Variants in MEIS1 observed in about 807,000 individuals in gnomAD.
MEIS1 encodes homeobox protein Meis1.
In MEIS1, 5 loss-of-function variants were observed where a neutral mutation model predicts 50.8. The ratio of observed to expected loss-of-function variants is 0.10; its 90% CI spans 0.05 to 0.21. The LOEUF (loss-of-function observed/expected upper bound fraction) is 0.21, where lower values mean the gene tolerates loss of function less well. MEIS1 is among the 10% of genes least tolerant of loss of function. MEIS1 has a pLI of 1.00. For missense variants in MEIS1, 318 were observed against 517.3 expected (o/e 0.61, Z 3.74); for synonymous variants, 176 against 179.3 (o/e 0.98, Z 0.15).
At position 66,437,942 on chromosome 2, in the gene MEIS1, G is replaced by A. The variant is rs1242392477; in HGVS notation, c.218G>A (p.Arg73Lys). The change falls in exon 2 of 13, where the codon AGA (arginine) becomes AAA (lysine). Residue 73 changes from arginine to lysine, a missense_variant. Physicochemically the swap from Arg to Lys is conservative, Grantham distance 26. Around this residue, in one of 6 missense-constraint regions of MEIS1, gnomAD observed 100 missense variants for 107.1 expected, o/e 0.93. Coordinates refer to ENST00000272369, the MANE Select transcript of MEIS1 (RefSeq NM_002398.3). Reference protein sequence around the residue: ...MGSSVNDALKRDKDAIYGHPL... With the variant: ...MGSSVNDALKKDKDAIYGHPL... ...TCCTCTGTCAATGACGCTTTAAAGAGAGATAAAGATGCCATTTATGGGTAG... is the reference window on the plus strand; with the variant it reads ...TCCTCTGTCAATGACGCTTTAAAGAAAGATAAAGATGCCATTTATGGGTAG... 6.3e-7 allele frequency: 1 copy of A among 1,582,990 alleles called. No homozygotes were observed. The highest frequency in any genetic ancestry group is 1.2e-5 in the South Asian group (1 of 86,768).
At chr2:66,468,641 C>T (rs530838450) in intron 7 of MEIS1, among the ~76,000 whole-genome samples, 2 of 152,260 alleles carry the variant, frequency 1.3e-5, no homozygotes, top group East Asian at 3.9e-4. Flanking sequence ...CTATGACATC[C>T]TATTTGATAC....
chr2:66,554,393 G>A (rs1025930107), intron 9 of MEIS1, among the ~76,000 whole-genome samples: 1 of 152,204 alleles, frequency 6.6e-6, no homozygotes, highest in Non-Finnish European at 1.5e-5. Context: ...GGCAGGACTT[G>A]ACTCCCATTT....
rs190217871 is a variant in MEIS1, at chr2:66,471,261, C to G, written c.742+7041C>G. Among the ~76,000 whole-genome samples the G allele has an allele frequency of 2.6e-5, 4 of 152,218 alleles. No homozygotes were observed. In the East Asian group the frequency reaches 5.8e-4, roughly 22 times the overall value. On this transcript the variant is annotated intron_variant, in intron 7 of 12. Transcript: ENST00000272369. ...TTTCTTATATTTTCTGTTGATTGCT[C>G]ATTTTTATTTATGTGTGAATTCATG...
chr2:66,528,062 C>T (rs1342638746), intron 8 of MEIS1, among the ~76,000 whole-genome samples: 2 of 152,098 alleles, frequency 1.3e-5, no homozygotes, highest in Non-Finnish European at 2.9e-5. Flanking sequence ...GAAGGCTGTG[C>T]TGTGGGAGTA....
At chr2:66,540,025 G>A (rs1164539472) in intron 8 of MEIS1, among the ~76,000 whole-genome samples, 3 of 152,168 alleles carry the variant, frequency 2.0e-5, no homozygotes, top group Non-Finnish European at 4.4e-5. Context: ...TAGCCAAGTG[G>A]AGAAACTCAG....
At chr2:66,508,084 G>C (rs1285053898) in intron 7 of MEIS1, among the ~76,000 whole-genome samples, 2 of 152,230 alleles carry the variant, frequency 1.3e-5, no homozygotes, top group Non-Finnish European at 2.9e-5. Context: ...TGAAAGGTTT[G>C]ACAGTTTGAC....
intron 7 of MEIS1, among the ~76,000 whole-genome samples, chr2:66,508,705 C>A (rs1165691094): frequency 6.6e-6 from 1 of 152,248 alleles, no homozygotes; most frequent in Non-Finnish European, 1.5e-5. Flanking sequence ...CTGTCACTAG[C>A]AAACGCCACA....
chr2:66,550,421 T>G (rs1187528132), intron 9 of MEIS1, among the ~76,000 whole-genome samples: 1 of 152,236 alleles, frequency 6.6e-6, no homozygotes, highest in Non-Finnish European at 1.5e-5. Flanking sequence ...CCATGTTTGA[T>G]TTGAATTTTT....
chr2:66,472,026 G>T (rs1169461708), intron 7 of MEIS1, among the ~76,000 whole-genome samples: 2 of 152,064 alleles, frequency 1.3e-5, no homozygotes, highest in African/African-American at 4.8e-5. Context: ...TTTTATGTAA[G>T]GCCTTTTCAT....
In MEIS1 at chr2:66,523,974, G is replaced by A. The variant is rs534520377; in HGVS notation, c.888+11680G>A. Among the ~76,000 whole-genome samples, 13 of 152,272 alleles carry A rather than the reference G, an allele frequency of 8.5e-5. No homozygotes were observed. The South Asian group carries it at 2.7e-3, about 32-fold the overall frequency. On this transcript the variant is annotated intron_variant, in intron 8 of 12. Transcript: ENST00000272369. ...TTAAATACAGTCAAAATGTTGATTT[G>A]TTGACTACCAGAGATAGGAAGGCAA...
intron 7 of MEIS1, among the ~76,000 whole-genome samples, chr2:66,476,109 G>T (rs932991528): frequency 2.6e-5 from 4 of 152,150 alleles, no homozygotes; most frequent in Non-Finnish European, 5.9e-5. Context: ...CCAGGAACAG[G>T]GTTAATGGAA....
intron 8 of MEIS1, among the ~76,000 whole-genome samples, chr2:66,540,307 T>C (rs1187531633): frequency 2.0e-5 from 3 of 152,138 alleles, no homozygotes; most frequent in African/African-American, 7.2e-5. Flanking sequence ...GGGCCTCCTG[T>C]CCTGTTTTTG....
At chr2:66,538,499 G>A (rs1265622374) in intron 8 of MEIS1, among the ~76,000 whole-genome samples, 6 of 152,190 alleles carry the variant, frequency 3.9e-5, no homozygotes, top group Non-Finnish European at 8.8e-5. Context: ...ATGAATAATT[G>A]TTGGAATGGA....
At chr2:66,519,170 G>C (rs1001724466) in intron 8 of MEIS1, among the ~76,000 whole-genome samples, 1 of 152,188 alleles carries the variant, frequency 6.6e-6, no homozygotes, top group Non-Finnish European at 1.5e-5. Flanking sequence ...GGGCAACCAA[G>C]TAGTGGAGTA....
intron 8 of MEIS1, among the ~76,000 whole-genome samples, chr2:66,543,904 T>G (rs1674718430): frequency 6.6e-6 from 1 of 152,216 alleles, no homozygotes; most frequent in Non-Finnish European, 1.5e-5. Context: ...TCAAATTTGC[T>G]TTGATATCCC....
At chr2:66,505,954 A>AT (rs1216359658) in intron 7 of MEIS1, among the ~76,000 whole-genome samples, 1 of 152,298 alleles carries the variant, frequency 6.6e-6, no homozygotes, top group East Asian at 1.9e-4. Context: ...CAAGAGTTTA[A>AT]TTTAGATATG....
chr2:66,502,524 A>G (rs1424321340), intron 7 of MEIS1, among the ~76,000 whole-genome samples: 2 of 152,336 alleles, frequency 1.3e-5, no homozygotes, highest in South Asian at 4.1e-4. Context: ...TTTCACCCCC[A>G]TCCAAATTAG....
At chr2:66,494,423 A>G (rs115699841) in intron 7 of MEIS1, among the ~76,000 whole-genome samples, 111 of 152,290 alleles carry the variant, frequency 7.3e-4, no homozygotes, top group African/African-American at 2.7e-3. Flanking sequence ...CCACTGTATT[A>G]CTCTAAAGAA....
intron 7 of MEIS1, among the ~76,000 whole-genome samples, chr2:66,472,391 G>C (rs903582151): frequency 6.6e-6 from 1 of 152,102 alleles, no homozygotes; most frequent in East Asian, 1.9e-4. Flanking sequence ...TTTAAGCGGG[G>C]GATGGGAATG....
Sources: gnomAD v4.1 joint callset for allele counts (sites outside exome capture counted in the v4.1 genomes callset) on GRCh38, gnomAD v4.1.1 for gene constraint, gnomAD v4.1.1 regional missense constraint, MANE v1.5 for transcripts, NCBI Gene and HGNC (gene_info 2026-07-23, HGNC 2026-07-21) for gene names.